LRP1B: variants seen among roughly 807,000 people sequenced by gnomAD.
The protein encoded by LRP1B is LDL receptor related protein 1B.
LRP1B carries 217 observed loss-of-function variants against 556.6 expected under a neutral mutation model. The ratio of observed to expected loss-of-function variants is 0.39; its 90% CI spans 0.35 to 0.44. LRP1B has a LOEUF of 0.44. Ranked by LOEUF, LRP1B falls within the 20% of genes least tolerant of loss-of-function variation. LRP1B has a pLI of 1.00. For missense variants in LRP1B, 5,053 were observed against 5,620.8 expected (o/e 0.90, Z 3.23); for synonymous variants, 2,047 against 1,865.8 (o/e 1.10, Z -2.50).
chr2:141,147,168 T>A (rs1235589417), intron 7 of LRP1B, among the ~76,000 whole-genome samples: 2 of 152,196 alleles, frequency 1.3e-5, no homozygotes, highest in African/African-American at 4.8e-5. Flanking sequence ...CATGTCTCAC[T>A]GGGCTCTGGT....
chr2:140,977,221 C>T (rs78371128), intron 18 of LRP1B, among the ~76,000 whole-genome samples: 1,650 of 152,154 alleles, frequency 0.011, 22 homozygotes, highest in Non-Finnish European at 0.011. Flanking sequence ...CTCATTATAA[C>T]GAATAAGTCT....
intron 3 of LRP1B, among the ~76,000 whole-genome samples, chr2:141,469,554 C>A (rs1052950413): frequency 5.3e-5 from 8 of 152,026 alleles, no homozygotes; most frequent in Admixed American, 2.6e-4. Context: ...TCCTTCCATG[C>A]GATTCCATGG....
chr2:141,476,528 T>A (rs911793261), intron 3 of LRP1B, among the ~76,000 whole-genome samples: 5 of 152,182 alleles, frequency 3.3e-5, no homozygotes, highest in Non-Finnish European at 7.3e-5. Flanking sequence ...GTAAAACTTT[T>A]ATAAGCATAT....
chr2:140,285,944 C>A (rs1273307762), intron 84 of LRP1B, among the ~76,000 whole-genome samples: 1 of 151,790 alleles, frequency 6.6e-6, no homozygotes, highest in Non-Finnish European at 1.5e-5. Context: ...TCTGACCTTT[C>A]TCTTTATTCA....
intron 2 of LRP1B, among the ~76,000 whole-genome samples, chr2:141,504,597 A>G (rs1437934090): frequency 6.6e-6 from 1 of 152,108 alleles, no homozygotes; most frequent in East Asian, 1.9e-4. Context: ...ACATTACCAG[A>G]TGGAAGATAG....
intron 5 of LRP1B, among the ~76,000 whole-genome samples, chr2:141,240,674 A>T (rs1041221895): frequency 6.6e-6 from 1 of 152,096 alleles, no homozygotes; most frequent in Non-Finnish European, 1.5e-5. Flanking sequence ...TAGTCTACAC[A>T]AAGTTATTAA....
chr2:142,030,493 A>T (rs1027383932), intron 1 of LRP1B, among the ~76,000 whole-genome samples: 1 of 151,966 alleles, frequency 6.6e-6, no homozygotes, highest in African/African-American at 2.4e-5. Flanking sequence ...GTTGATACTG[A>T]GAAAATGATG....
intron 66 of LRP1B, among the ~76,000 whole-genome samples, chr2:140,398,852 G>C (rs991827934): frequency 6.6e-6 from 1 of 152,098 alleles, no homozygotes; most frequent in Non-Finnish European, 1.5e-5. Context: ...GTGTCTAAAT[G>C]TATAACTTGT....
chr2:140,825,782 C>T (rs1691482470), intron 31 of LRP1B, among the ~76,000 whole-genome samples: 1 of 151,996 alleles, frequency 6.6e-6, no homozygotes, highest in South Asian at 2.1e-4. Context: ...CCAACATAAA[C>T]ACAACTACTA....
chr2:140,872,360 A>ATTTTTTTTT (rs59469282), intron 25 of LRP1B, among the ~76,000 whole-genome samples: 791 of 60,444 alleles, frequency 0.013, 91 homozygotes, highest in African/African-American at 0.017. Flanking sequence ...GTGTCACCTG[A>ATTTTTTTTT]TTTTTTTTTT....
chr2:141,733,933 T>C (rs1051588128), intron 2 of LRP1B, among the ~76,000 whole-genome samples: 20 of 152,234 alleles, frequency 1.3e-4, no homozygotes, highest in African/African-American at 4.8e-4. Flanking sequence ...ATTGCACTTA[T>C]TACTGTATAT....
chr2:141,341,918 C>A (rs746261830), intron 3 of LRP1B, among the ~76,000 whole-genome samples: 2 of 152,026 alleles, frequency 1.3e-5, no homozygotes, highest in African/African-American at 4.8e-5. Context: ...CATTATCCTG[C>A]ATAATCAAAA....
chr2:140,749,807 C>T (rs1181091411), intron 35 of LRP1B, among the ~76,000 whole-genome samples: 1 of 152,048 alleles, frequency 6.6e-6, no homozygotes, highest in Non-Finnish European at 1.5e-5. Flanking sequence ...TAACATAACC[C>T]ATCATTTGTT....
At chr2:141,037,513 T>C (rs1698567989) in intron 11 of LRP1B, among the ~76,000 whole-genome samples, 1 of 152,002 alleles carries the variant, frequency 6.6e-6, no homozygotes, top group Non-Finnish European at 1.5e-5. Context: ...AATGTCTCAC[T>C]TCTGGCTCAC....
intron 3 of LRP1B, among the ~76,000 whole-genome samples, chr2:141,324,883 C>T (rs566919673): frequency 2.0e-5 from 3 of 152,078 alleles, no homozygotes; most frequent in East Asian, 3.9e-4. Context: ...CAAAATAGCA[C>T]AGTAAGTTCT....
chr2:140,247,488 A>G (rs1681217576), intron 86 of LRP1B, among the ~76,000 whole-genome samples: 1 of 151,622 alleles, frequency 6.6e-6, no homozygotes, highest in African/African-American at 2.4e-5. Flanking sequence ...GAAAATTACA[A>G]GTGGCCACTT....
intron 43 of LRP1B, among the ~76,000 whole-genome samples, chr2:140,563,591 T>G (rs11679627): frequency 0.13 from 19,637 of 152,114 alleles, 1,354 homozygotes; most frequent in East Asian, 0.23. Context: ...TACAGAACAA[T>G]GTGTTACTCA....
intron 43 of LRP1B, among the ~76,000 whole-genome samples, chr2:140,568,965 C>A (rs1031501769): frequency 1.3e-5 from 2 of 151,976 alleles, no homozygotes; most frequent in Non-Finnish European, 2.9e-5. Context: ...TATCACCAGA[C>A]CAACCTTACA....
At chr2:142,058,592 A>G (rs1704770332) in intron 1 of LRP1B, among the ~76,000 whole-genome samples, 1 of 152,040 alleles carries the variant, frequency 6.6e-6, no homozygotes, top group South Asian at 2.1e-4. Context: ...GTGTGAATGT[A>G]TTCTATGTGT....
Sources: allele counts gnomAD v4.1 joint callset (sites outside exome capture counted in the v4.1 genomes callset), GRCh38; gene constraint gnomAD v4.1.1; transcripts MANE v1.5; gene names NCBI Gene and HGNC (gene_info 2026-07-23, HGNC 2026-07-21).